The following CRIM1 variants were observed in gnomAD, a reference collection of about 807,000 sequenced individuals.
The protein encoded by CRIM1 is cysteine rich transmembrane BMP regulator 1.
Under a neutral mutation model 116.4 loss-of-function variants are expected in CRIM1, and 32 were observed. The ratio of observed to expected loss-of-function variants is 0.27; its 90% CI spans 0.21 to 0.37. CRIM1 has a LOEUF of 0.37. Among genes scored for constraint, CRIM1 ranks in the 10% least tolerant of loss-of-function variants. The pLI is 1.00. For missense variants in CRIM1, 1,331 were observed against 1,354.8 expected, an observed-to-expected ratio of 0.98 and a Z score of 0.28; for synonymous variants, 590 against 509.2, an observed-to-expected ratio of 1.16 and a Z score of -2.13.
intron 2 of CRIM1, among the ~76,000 whole-genome samples, chr2:36,420,461 G>A (rs902168732): frequency 6.6e-6 from 1 of 152,118 alleles, no homozygotes; most frequent in Non-Finnish European, 1.5e-5. Context: ...TTACTTTATT[G>A]TCTCAACTGT....
At chr2:36,462,367 A>C (rs915406607) in intron 4 of CRIM1, among the ~76,000 whole-genome samples, 19 of 152,230 alleles carry the variant, frequency 1.2e-4, no homozygotes, top group African/African-American at 4.1e-4. Flanking sequence ...TTTAAATTGT[A>C]AATTTTTTAA....
chr2:36,420,823 G>T (rs374872144), intron 2 of CRIM1, among the ~76,000 whole-genome samples: 1 of 152,182 alleles, frequency 6.6e-6, no homozygotes, highest in African/African-American at 2.4e-5. Context: ...GGAATACGTC[G>T]TGGGGTTGGT....
chr2:36,445,897 T>G (rs1676205841), intron 4 of CRIM1, among the ~76,000 whole-genome samples: 1 of 152,196 alleles, frequency 6.6e-6, no homozygotes. Context: ...AGAGCATATT[T>G]AGGCATAAAG....
intron 5 of CRIM1, among the ~76,000 whole-genome samples, chr2:36,475,941 G>A (rs1333630179): frequency 2.6e-5 from 4 of 151,910 alleles, no homozygotes; most frequent in Non-Finnish European, 5.9e-5. Flanking sequence ...TGGTCATGGT[G>A]TATAATTTTG....
intron 1 of CRIM1, among the ~76,000 whole-genome samples, chr2:36,368,450 G>T (rs1189035558): frequency 1.3e-5 from 2 of 152,236 alleles, no homozygotes; most frequent in Admixed American, 1.3e-4. Flanking sequence ...GCGGCAGGAC[G>T]TTGAGCAAGG....
rs762698993 is a variant in CRIM1, at chr2:36,517,334, T to C, written c.1998T>C (p.Phe666=). Residue 666 remains phenylalanine, a synonymous_variant, in exon 12 of 17, where the codon TTT becomes TTC. Transcript: ENST00000280527. The part of the protein sequence containing the change: ...GQCCPSCADD[F]VVQKPELSTP... The stretch of plus-strand genomic sequence containing the variant: ...TTTTGTGTCATTTCCCAGATGACTT[T>C]GTGGTGCAGAAGCCAGAGCTCAGTA... The C allele has an allele frequency of 2.4e-5, 39 of 1,613,824 alleles. No individual in the cohort carries two copies. In the East Asian group the frequency reaches 3.3e-4, roughly 14 times the overall value.
At chr2:36,453,819 G>C (rs532351977) in intron 4 of CRIM1, among the ~76,000 whole-genome samples, 2 of 152,330 alleles carry the variant, frequency 1.3e-5, no homozygotes, top group South Asian at 4.1e-4. Flanking sequence ...AGAACGGTCA[G>C]ATTTGACTTT....
In CRIM1 at chr2:36,548,637, G is replaced by T. The variant is rs1346061380; in HGVS notation, c.3047G>T (p.Ser1016Ile). 2 of 1,612,796 alleles carry T rather than the reference G, an allele frequency of 1.2e-6. No homozygotes were observed. Among genetic ancestry groups the T allele is most frequent in the South Asian group, 1.1e-5 (1 of 90,884 alleles). Residue 1016 changes from serine to isoleucine, a missense_variant, in exon 17 of 17, where the codon AGT (serine) becomes ATT (isoleucine). Transcript: ENST00000280527. ...ATTGCAGAACCAGATGCAAGATTCA[G>T]TGGCTTCTACAGCATGCAAAAACAG... is the stretch of plus-strand genomic sequence containing the variant. ...LRIAEPDARF[S>I]GFYSMQKQNH...
chr2:36,405,049 G>A (rs1672684811), intron 2 of CRIM1, among the ~76,000 whole-genome samples: 1 of 152,058 alleles, frequency 6.6e-6, no homozygotes, highest in African/African-American at 2.4e-5. Flanking sequence ...TGCTGTGTGT[G>A]GCCTAATAAA....
chr2:36,534,393 G>C (rs1666360733), intron 13 of CRIM1, among the ~76,000 whole-genome samples: 1 of 132,624 alleles, frequency 7.5e-6, no homozygotes, highest in Non-Finnish European at 1.6e-5. Flanking sequence ...GAGGGAGGGG[G>C]AAGGAAGGAA....
At chr2:36,452,639 T>A (rs1676822195) in intron 4 of CRIM1, among the ~76,000 whole-genome samples, 1 of 152,198 alleles carries the variant, frequency 6.6e-6, no homozygotes, top group African/African-American at 2.4e-5. Context: ...TGTCAATAAT[T>A]CTCTTCAGAT....
At position 36,510,265 on chromosome 2, in the gene CRIM1, T is replaced by G. The variant is rs192038384; in HGVS notation, c.1658+126T>G. On this transcript the variant is annotated intron_variant, in intron 9 of 16. Transcript: ENST00000280527. ...ATATTGAGCCCAGAATGTCTATACTTGTTTTGTTAGGTGATTCAGAAAGCA... is the reference window on the plus strand; with the variant it reads ...ATATTGAGCCCAGAATGTCTATACTGGTTTTGTTAGGTGATTCAGAAAGCA... 2,981 of 861,016 alleles carry G rather than the reference T, an allele frequency of 3.5e-3. 78 individuals are homozygous for G. The South Asian group carries it at 0.041, about 12-fold the overall frequency. The allele number at this position is 861,016 out of a possible 1,614,324, so 53.3% of individuals were successfully genotyped here.
intron 14 of CRIM1, among the ~76,000 whole-genome samples, chr2:36,541,517 T>C (rs973950053): frequency 1.1e-4 from 16 of 152,096 alleles, no homozygotes; most frequent in Admixed American, 7.2e-4. Flanking sequence ...TGCTCCTAAA[T>C]TGACCTCAGG....
At chr2:36,506,778 T>G (rs907192243) in intron 8 of CRIM1, among the ~76,000 whole-genome samples, 1 of 152,210 alleles carries the variant, frequency 6.6e-6, no homozygotes, top group African/African-American at 2.4e-5. Context: ...TCAAGTGATG[T>G]ACTAAAGCTT....
intron 2 of CRIM1, among the ~76,000 whole-genome samples, chr2:36,434,658 C>T (rs1675158020): frequency 6.6e-6 from 1 of 152,204 alleles, no homozygotes; most frequent in Admixed American, 6.5e-5. Flanking sequence ...TTTCATTTCT[C>T]CAGCATGACC....
intron 2 of CRIM1, among the ~76,000 whole-genome samples, chr2:36,411,330 G>A (rs3770911): frequency 0.5 from 76,425 of 152,074 alleles, 21,826 homozygotes; most frequent in East Asian, 0.85. Context: ...TGTCTGTCTA[G>A]GTACAGGTCT....
intron 10 of CRIM1, chr2:36,513,285 AATATG>A (rs1326496987): frequency 3.8e-5 from 16 of 420,346 alleles, no homozygotes; most frequent in Middle Eastern, 6.4e-4. Context: ...TATTGTATAA[AATATG>A]AGAAAGTACA....
At chr2:36,395,608 G>A (rs1378912989) in intron 1 of CRIM1, among the ~76,000 whole-genome samples, 2 of 152,176 alleles carry the variant, frequency 1.3e-5, no homozygotes, top group East Asian at 3.9e-4. Context: ...TTTTGGAGCT[G>A]AGTCCCATGA....
At chr2:36,384,565 T>C (rs1671038151) in intron 1 of CRIM1, among the ~76,000 whole-genome samples, 1 of 152,238 alleles carries the variant, frequency 6.6e-6, no homozygotes, top group African/African-American at 2.4e-5. Context: ...AATCTTTCTA[T>C]GTTCTTGTTG....
Sources: gnomAD v4.1 joint callset for allele counts (sites outside exome capture counted in the v4.1 genomes callset) on GRCh38, gnomAD v4.1.1 for gene constraint, MANE v1.5 for transcripts, NCBI Gene and HGNC (gene_info 2026-07-23, HGNC 2026-07-21) for gene names.